The following HOXB3 variants were observed in gnomAD, a reference collection of about 807,000 sequenced individuals.
The protein encoded by HOXB3 is homeobox protein Hox-B3.
Under a neutral mutation model 29.2 loss-of-function variants are expected in HOXB3, and 17 were observed. The ratio of observed to expected loss-of-function variants is 0.58; its 90% confidence interval spans 0.40 to 0.87. HOXB3 has a LOEUF of 0.87. Ranked by LOEUF, HOXB3 falls within the 40% of genes least tolerant of loss-of-function variation. The probability of loss-of-function intolerance (pLI) is 0.00; values close to 1 mark genes in which losing one functional copy is unlikely to be tolerated. For synonymous variants in HOXB3, 317 were observed against 285.9 expected (o/e 1.11, Z -1.10); for missense variants, 637 against 616.3 (o/e 1.03, Z -0.35).
chr17:48,589,851 C>T (rs746938667), intron 1 of HOXB3, among the ~76,000 whole-genome samples: 19 of 152,122 alleles, frequency 1.2e-4, no homozygotes, highest in Non-Finnish European at 2.5e-4. Context: ...CCTAAATTTC[C>T]GCTGGCACTG....
At chr17:48,568,209 A>G (rs2069453412) in intron 2 of HOXB3, among the ~76,000 whole-genome samples, 1 of 152,162 alleles carries the variant, frequency 6.6e-6, no homozygotes, top group Admixed American at 6.5e-5. Flanking sequence ...GGAGAAGCCA[A>G]ACTCCTGGAG....
chr17:48,577,085 C>T, intron 1 of HOXB3: 1 of 1,463,516 alleles, frequency 6.8e-7, no homozygotes, highest in East Asian at 2.3e-5. Flanking sequence ...AGAGTCCTTT[C>T]TTCCAGGGAA....
intron 3 of HOXB3, 120 bp from the exon 4 acceptor site, chr17:48,552,752 C>A: frequency 2.6e-6 from 1 of 391,316 alleles, no homozygotes; most frequent in Non-Finnish European, 4.5e-6. Flanking sequence ...CCAACATCTC[C>A]AAAGCAGATG....
At chr17:48,558,320 T>A (rs1424496115) in intron 2 of HOXB3, among the ~76,000 whole-genome samples, 2 of 151,962 alleles carry the variant, frequency 1.3e-5, no homozygotes, top group African/African-American at 4.8e-5. Flanking sequence ...CCTCCTCAAC[T>A]CTTTGTGGTC....
intron 2 of HOXB3, among the ~76,000 whole-genome samples, chr17:48,566,890 T>C (rs918786761): frequency 2.6e-5 from 4 of 152,164 alleles, no homozygotes; most frequent in Non-Finnish European, 5.9e-5. Context: ...TCACACTGAA[T>C]GTGTGTGGGA....
chr17:48,576,660 C>A, intron 1 of HOXB3: 1 of 908,046 alleles, frequency 1.1e-6, no homozygotes, highest in Non-Finnish European at 1.5e-6. Context: ...TCCCCCCACC[C>A]CATCCCCTGC....
chr17:48,554,840 C>A lies in HOXB3; in HGVS notation c.-159+691G>T. 1 of 702,300 alleles carries A rather than the reference C, an allele frequency of 1.4e-6. No homozygotes were observed. Among genetic ancestry groups the A allele is most frequent in the Admixed American group, 2.0e-5 (1 of 50,008 alleles). The allele number at this position is 702,300 out of a possible 1,614,324, so 43.5% of individuals were successfully genotyped here. ...GGCTCCGGGTTGGAGGGCGCCGAGG[C>A]CTGGCGGACGGGACAGTGGGAAGAG... On this transcript the variant is annotated intron_variant, in intron 3 of 4. Transcript: ENST00000498678. The surrounding 1 kb of genome is among the most constrained non-coding windows in gnomAD (Gnocchi z 4.1).
chr17:48,550,770 T>G lies in HOXB3; in HGVS notation c.860A>C (p.Glu287Ala), dbSNP rs201239761. ...NALHSMTPSY[E>A]SPSPPAFGKA... ...ACCGAAGGCGGGTGGGGACGGGCTC[T>G]CGTAGCTGGGGGTCATGGAGTGTAA... is the stretch of plus-strand genomic sequence containing the variant. Residue 287 changes from glutamate (E) to alanine (A), a missense_variant, in exon 5 of 5, where the codon GAG becomes GCG. Coordinates refer to ENST00000498678, the MANE Select transcript of HOXB3 (RefSeq NM_001384749.1). 1.2e-6 allele frequency: 2 copies of G among 1,603,106 alleles called. No homozygotes were observed. The highest frequency in any genetic ancestry group is 1.7e-5 in the Admixed American group (1 of 59,442).
chr17:48,568,638 CACACACACGCGCGG>C (rs1468488935), intron 2 of HOXB3, among the ~76,000 whole-genome samples: 2 of 109,812 alleles, frequency 1.8e-5, no homozygotes, highest in Admixed American at 9.2e-5. Flanking sequence ...GACGCGCACG[CACACACACGCGCGG>C]ACACACACAC....
chr17:48,576,817 G>A lies in HOXB3; in HGVS notation c.-424-2803C>T, dbSNP rs977293314. ...CGGATCTTGGTGTTGGGCAACTTGT[G>A]GTCTTTTTTCCACTTCATGCGCCGG... On this transcript the variant is annotated intron_variant, in intron 1 of 4. Transcript: ENST00000498678. 8.1e-6 allele frequency: 13 copies of A among 1,614,112 alleles called. No individual in the cohort carries two copies. The African/African-American group carries it at 1.7e-4, about 22-fold the overall frequency.
intron 3 of HOXB3, 149 bp from the exon 4 acceptor site, chr17:48,552,781 C>G (rs2068816081): frequency 2.7e-6 from 1 of 366,936 alleles, no homozygotes. Flanking sequence ...AAAAAGCCCA[C>G]CAGTTTTCAT....
At chr17:48,578,374 C>G (rs1282868424) in intron 1 of HOXB3, 12 of 1,565,312 alleles carry the variant, frequency 7.7e-6, no homozygotes, top group Admixed American at 3.8e-5. Context: ...ACCCCTGACT[C>G]GTTTTCCTGT....
chr17:48,571,278 C>T (rs1407914385), intron 2 of HOXB3, among the ~76,000 whole-genome samples: 1 of 152,224 alleles, frequency 6.6e-6, no homozygotes, highest in Non-Finnish European at 1.5e-5. Context: ...GAGAAACTTC[C>T]CAACTCCGTT....
At chr17:48,580,069 G>C in intron 1 of HOXB3, 1 of 401,606 alleles carries the variant, frequency 2.5e-6, no homozygotes, top group Non-Finnish European at 4.9e-6. Context: ...ACAGAAAAAG[G>C]CAGTGCGAGT....
intron 1 of HOXB3, chr17:48,580,111 CCTCTT>C (rs2069896705): frequency 3.0e-6 from 1 of 333,348 alleles, no homozygotes; most frequent in Non-Finnish European, 5.9e-6. Context: ...TTTCAATTCT[CCTCTT>C]CTATTAGAAT....
At chr17:48,564,641 CAG>C (rs1347525115) in intron 2 of HOXB3, among the ~76,000 whole-genome samples, 1 of 152,232 alleles carries the variant, frequency 6.6e-6, no homozygotes, top group African/African-American at 2.4e-5. Flanking sequence ...CGGCAACTGA[CAG>C]GGGCACGGCG....
At chr17:48,585,091 T>C (rs2070021061) in intron 1 of HOXB3, among the ~76,000 whole-genome samples, 1 of 151,936 alleles carries the variant, frequency 6.6e-6, no homozygotes, top group African/African-American at 2.4e-5. Context: ...ACGCTTTCCT[T>C]ACCCCTCCCC....
At chr17:48,577,758 G>A in intron 1 of HOXB3, 1 of 1,025,182 alleles carries the variant, frequency 9.8e-7, no homozygotes, top group Non-Finnish European at 1.3e-6. Context: ...TTATAGCGGG[G>A]ACAATTGGCT....
intron 2 of HOXB3, among the ~76,000 whole-genome samples, chr17:48,566,718 T>C (rs1398116150): frequency 6.6e-6 from 1 of 152,112 alleles, no homozygotes; most frequent in African/African-American, 2.4e-5. Context: ...CTCTGTCATG[T>C]CCCTCCTCCT....
Sources: gnomAD v4.1 joint callset for allele counts (sites outside exome capture counted in the v4.1 genomes callset) on GRCh38, gnomAD v4.1.1 for gene constraint, Gnocchi (gnomAD v3.1) non-coding constraint, MANE v1.5 for transcripts, NCBI Gene and HGNC (gene_info 2026-07-23, HGNC 2026-07-21) for gene names.